Variants in RPS4X observed in about 807,000 individuals in gnomAD.
RPS4X encodes ribosomal protein S4 X-linked, also known as small ribosomal subunit protein eS4, X isoform.
For synonymous variants in RPS4X, 76 were observed against 76.8 expected (o/e 0.99, Z 0.06); for missense variants, 90 against 219.1 (o/e 0.41, Z 3.72).
chrX:72,275,023 G>A (rs2043196493), intron 4 of RPS4X, 30 bp downstream of exon 4: 2 of 1,034,009 alleles, frequency 1.9e-6, no homozygotes, highest in Admixed American at 4.4e-5. Context: ...ACTATACTGA[G>A]TAAAGACCCA....
At chrX:72,277,050 C>G in intron 1 of RPS4X, 143 bp downstream of exon 1, 5 of 689,688 alleles carry the variant, frequency 7.2e-6, no homozygotes, top group Non-Finnish European at 8.7e-6. Context: ...CGCCCTGGAG[C>G]CCGTCCCGGC....
rs1305251371 is a variant in RPS4X, at chrX:72,273,408, T to C, written c.533-19A>G. The C allele has an allele frequency of 2.6e-6, 3 of 1,171,316 alleles. No homozygotes were observed. The highest frequency in any genetic ancestry group is 3.4e-6 in the Non-Finnish European group (3 of 873,782). The stretch of plus-strand genomic sequence containing the variant: ...AGGTTACCTAGGCAGGAAGAAATAA[T>C]CTGCTTCAACTCAATATAACAAATG... On this transcript the variant is annotated intron_variant, in intron 5 of 6. Coordinates refer to ENST00000316084, the MANE Select transcript of RPS4X (RefSeq NM_001007.5).
intron 5 of RPS4X, 77 bp downstream of exon 5, chrX:72,273,722 TAA>T: frequency 1.1e-6 from 1 of 889,959 alleles, no homozygotes; most frequent in South Asian, 2.3e-5. Flanking sequence ...TGGTTTTTAA[TAA>T]AGATACCCAG....
chrX:72,274,069 T>C (rs1223253059), intron 4 of RPS4X, 97 bp from the exon 5 acceptor site: 36 of 742,943 alleles, frequency 4.8e-5, no homozygotes, highest in Non-Finnish European at 6.7e-5. Context: ...TGCAGATTAA[T>C]TGTGACGCTG....
chrX:72,274,905 C>A, intron 4 of RPS4X, 148 bp downstream of exon 4: 1 of 435,196 alleles, frequency 2.3e-6, no homozygotes, highest in African/African-American at 2.4e-5. Context: ...AAGACAGAAT[C>A]TCATCGAATT....
chrX:72,276,726 G>A (rs1352077370), intron 1 of RPS4X, among the ~76,000 whole-genome samples: 1 of 112,363 alleles, frequency 8.9e-6, no homozygotes, highest in Non-Finnish European at 1.9e-5. Context: ...AAAGCCAAAA[G>A]CTGACACCAA....
chrX:72,277,088 C>T, intron 1 of RPS4X, 105 bp downstream of exon 1: 1 of 1,003,021 alleles, frequency 1.0e-6, no homozygotes, highest in East Asian at 3.2e-5. Flanking sequence ...ATCCCTTCGC[C>T]TCTGCCCGGC....
chrX:72,274,751 G>A (rs192329841), intron 4 of RPS4X: 10 of 241,854 alleles, frequency 4.1e-5, no homozygotes, highest in East Asian at 1.7e-4. Flanking sequence ...CCAGGAAGTC[G>A]CGGTTCAACT....
intron 4 of RPS4X, 41 bp from the exon 5 acceptor site, chrX:72,274,013 C>G: frequency 8.7e-7 from 1 of 1,152,258 alleles, no homozygotes; most frequent in Non-Finnish European, 1.2e-6. Context: ...ATCCATCTCA[C>G]ATGTACTTTT....
intron 6 of RPS4X, 44 bp from the exon 7 acceptor site, chrX:72,272,816 C>T (rs761493456): frequency 1.1e-6 from 1 of 921,593 alleles, no homozygotes; most frequent in Non-Finnish European, 1.6e-6. Flanking sequence ...CACACACCAA[C>T]TCATAGTGGC....
rs201980272 is a variant in RPS4X at position 72,273,406 on chromosome X, A to C, written c.533-17T>G. Reference sequence around the variant, plus strand: ...ACAGGTTACCTAGGCAGGAAGAAATAATCTGCTTCAACTCAATATAACAAA... The same window carrying C: ...ACAGGTTACCTAGGCAGGAAGAAATCATCTGCTTCAACTCAATATAACAAA... On this transcript the variant is annotated splice_polypyrimidine_tract_variant and intron_variant, in intron 5 of 6. Coordinates refer to ENST00000316084, the MANE Select transcript of RPS4X (RefSeq NM_001007.5). The C allele has an allele frequency of 4.8e-5, 56 of 1,170,190 alleles. No individual in the cohort carries two copies. The highest frequency in any genetic ancestry group is 2.4e-4 in the Middle Eastern group (1 of 4,192).
chrX:72,272,552 TA>T lies in RPS4X; in HGVS notation c.*118del. 2.1e-6 allele frequency: 1 copy of T among 477,636 alleles called. No homozygotes were observed. The highest frequency in any genetic ancestry group is 3.6e-6 in the Non-Finnish European group (1 of 280,433). 39.4% of individuals were successfully genotyped at this position (477,636 alleles called of 1,213,427 possible). A position where few individuals can be genotyped will look rare whatever the true frequency, so the allele number is the denominator to read the frequency against. ...CTTAATCACTGTTCATGTTATACAGTAAAATAGCAGGAAACTGAATTAAAAA... is the reference window on the plus strand; with the variant it reads ...CTTAATCACTGTTCATGTTATACAGTAAATAGCAGGAAACTGAATTAAAAA... On this transcript the variant is annotated 3_prime_UTR_variant, in exon 7 of 7. Coordinates refer to ENST00000316084, the MANE Select transcript of RPS4X (RefSeq NM_001007.5).
At position 72,272,588 on chromosome X, in the gene RPS4X, C is replaced by T; in HGVS notation, c.*83G>A. ...GAAACTGAATTAAAAAAAAAAACAA[C>T]CCACAAAACCAAAATGCTATTAATC... On this transcript the variant is annotated 3_prime_UTR_variant, in exon 7 of 7. Coordinates refer to ENST00000316084, the MANE Select transcript of RPS4X (RefSeq NM_001007.5). 1 of 623,363 alleles carries T rather than the reference C, an allele frequency of 1.6e-6. No homozygotes were observed. The highest frequency in any genetic ancestry group is 2.5e-6 in the Non-Finnish European group (1 of 398,603). 51.4% of individuals were successfully genotyped at this position (623,363 alleles called of 1,213,427 possible).
chrX:72,275,652 G>C lies in RPS4X; in HGVS notation c.154C>G (p.Leu52Val), dbSNP rs1333948895. Residue 52 changes from leucine to valine, a missense_variant, in exon 3 of 7, where the codon CTT becomes GTT. Coordinates refer to ENST00000316084, the MANE Select transcript of RPS4X (RefSeq NM_001007.5). ...LPLIIFLRNR[L>V]KYALTGDEVK... ...TCATCTCCTGTCAGGGCATACTTAA[G>C]TCTGTTCCTCAGGAAAATGATGAGG... 1 of 1,206,709 alleles carries C rather than the reference G, an allele frequency of 8.3e-7. No homozygotes were observed. Among genetic ancestry groups the C allele is most frequent in the Non-Finnish European group, 1.1e-6 (1 of 892,692 alleles).
At chrX:72,274,865 CTT>C (rs2043195578) in intron 4 of RPS4X, 186 bp downstream of exon 4, 2 of 408,096 alleles carry the variant, frequency 4.9e-6, no homozygotes, top group East Asian at 7.9e-5. Context: ...ATCAGCCAGA[CTT>C]TTAATAACAT....
chrX:72,275,142 T>C lies in RPS4X; in HGVS notation c.271A>G (p.Ser91Gly), dbSNP rs372707546. ...AAATTCTCTCCCGTCTTGTCAATGCTGATGACATCTGAAATCAAGCAGTAA... is the reference window on the plus strand; with the variant it reads ...AAATTCTCTCCCGTCTTGTCAATGCCGATGACATCTGAAATCAAGCAGTAA... Reference protein sequence around the residue: ...TYPAGFMDVISIDKTGENFRL... With the variant: ...TYPAGFMDVIGIDKTGENFRL... The change falls in exon 4 of 7, where the codon AGC (serine) becomes GGC (glycine). Residue 91 changes from serine to glycine, a missense_variant. Coordinates refer to ENST00000316084, the MANE Select transcript of RPS4X (RefSeq NM_001007.5). The C allele has an allele frequency of 1.7e-6, 2 of 1,183,021 alleles. No homozygotes were observed. The highest frequency in any genetic ancestry group is 3.0e-5 in the East Asian group (1 of 33,613).
At chrX:72,273,127 C>G in intron 6 of RPS4X, 105 bp downstream of exon 6, 1 of 769,765 alleles carries the variant, frequency 1.3e-6, no homozygotes, top group Admixed American at 2.9e-5. Flanking sequence ...AGAGGCTTTG[C>G]ACTAGGTTCA....
rs201490913 is a variant in RPS4X at position 72,277,211 on chromosome X, G to T, written c.-16C>A. The T allele has an allele frequency of 1.7e-5, 20 of 1,208,971 alleles. No homozygotes were observed. Reference sequence around the variant, plus strand: ...GGCTTACCATGGCTGCGTTAGGCAAGGAAAGAGGACCTCCGTCTTCCGGTG... The same window carrying T: ...GGCTTACCATGGCTGCGTTAGGCAATGAAAGAGGACCTCCGTCTTCCGGTG... On this transcript the variant is annotated 5_prime_UTR_variant, in exon 1 of 7. Transcript: ENST00000316084.
intron 2 of RPS4X, 43 bp from the exon 3 acceptor site, chrX:72,275,767 G>C (rs1243902038): frequency 1.9e-6 from 2 of 1,073,808 alleles, no homozygotes; most frequent in African/African-American, 3.7e-5. Context: ...ATTCACTAAA[G>C]CACTCAAACC....
Sources: gnomAD v4.1 joint callset for allele counts (sites outside exome capture counted in the v4.1 genomes callset) on GRCh38, gnomAD v4.1.1 for gene constraint, MANE v1.5 for transcripts, NCBI Gene and HGNC (gene_info 2026-07-23, HGNC 2026-07-21) for gene names.